The following CARS1 variants were observed in gnomAD, a reference collection of about 807,000 sequenced individuals.
CARS1 encodes cysteinyl-tRNA synthetase 1.
A neutral mutation model predicts 106.2 loss-of-function variants in CARS1; 48 were observed. The observed-to-expected ratio is 0.45, with a 90% CI of 0.36 to 0.57. The LOEUF (loss-of-function observed/expected upper bound fraction) is 0.57. CARS1 is among the 20% of genes least tolerant of loss of function. CARS1 has a pLI of 0.00. For missense variants in CARS1, 968 were observed against 1,057.2 expected, an observed-to-expected ratio of 0.92 and a Z score of 1.17; for synonymous variants, 409 against 403.4, an observed-to-expected ratio of 1.01 and a Z score of -0.17.
chr11:3,039,716 T>C lies in CARS1; in HGVS notation c.552+119A>G, dbSNP rs996878903. The stretch of plus-strand genomic sequence containing the variant: ...TAACTCACTGAGGGGATTAAAATGA[T>C]GTTTATCAGGTGAAAACACAAGCTA... On this transcript the variant is annotated intron_variant, in intron 5 of 22. Transcript: ENST00000380525. This position sits in a 1 kb window ranked among gnomAD's most constrained non-coding sequence, Gnocchi z 5.6. The C allele has an allele frequency of 3.4e-6, 2 of 580,200 alleles. No individual in the cohort carries two copies. Among genetic ancestry groups the C allele is most frequent in the Admixed American group, 7.2e-5 (2 of 27,772 alleles). 35.9% of individuals were successfully genotyped at this position (580,200 alleles called of 1,614,324 possible).
chr11:3,029,271 G>A lies in CARS1; in HGVS notation c.942+32C>T, dbSNP rs774295949. 8 of 1,609,000 alleles carry A rather than the reference G, an allele frequency of 5.0e-6. No individual in the cohort carries two copies. Among genetic ancestry groups the A allele is most frequent in the South Asian group, 1.1e-5 (1 of 90,916 alleles). On this transcript the variant is annotated intron_variant, in intron 8 of 22. Coordinates refer to ENST00000380525, the MANE Select transcript of CARS1 (RefSeq NM_001014437.3). The surrounding 1 kb of genome is among the most constrained non-coding windows in gnomAD (Gnocchi z 5.9). ...TTAGAAATCAGGGCCCTTAGCGCAA[G>A]AGAGCCAGCACAAGACAATCGTGAC...
chr11:3,042,367 A>T (rs1854577965), intron 2 of CARS1, 111 bp from the exon 3 acceptor site: 1 of 698,330 alleles, frequency 1.4e-6, no homozygotes, highest in Non-Finnish European at 2.4e-6. Flanking sequence ...TTTCCATGAA[A>T]TTTAAACAAT....
intron 17 of CARS1, among the ~76,000 whole-genome samples, chr11:3,012,979 T>C (rs1850633639): frequency 1.4e-5 from 2 of 138,546 alleles, no homozygotes. Context: ...AACCTCAGCC[T>C]CCCAGGTTCA....
intron 17 of CARS1, among the ~76,000 whole-genome samples, chr11:3,012,586 C>T (rs758621373): frequency 3.9e-5 from 6 of 152,214 alleles, no homozygotes; most frequent in Non-Finnish European, 8.8e-5. Flanking sequence ...AGGTCAGACA[C>T]GCTGCTGTGA....
chr11:3,012,143 G>A (rs895472326), intron 18 of CARS1, 52 bp downstream of exon 18: 58 of 1,510,338 alleles, frequency 3.8e-5, no homozygotes, highest in Non-Finnish European at 5.3e-5. Context: ...CCGGTCCGGG[G>A]AGCCCAGTGA....
Position 3,040,968 on chromosome 11 carries a change from T to G in CARS1, c.383A>C (p.Gln128Pro). Residue 128 changes from glutamine (Q) to proline (P), a missense_variant, in exon 4 of 23, where the codon CAA (glutamine) becomes CCA (proline). Gln to Pro is a moderately conservative substitution (Grantham distance 76). Coordinates refer to ENST00000380525, the MANE Select transcript of CARS1 (RefSeq NM_001014437.3). This position sits in a 1 kb window ranked among gnomAD's most constrained non-coding sequence, Gnocchi z 5.8. ...LTRNKEVFIP[Q>P]DGKKVTWYCC... is the part of the protein sequence containing the mutation. ...ATACCACGTCACCTTTTTCCCATCT[T>G]GAGGTATGAACACTTCCTTTGTTAG... 3 of 1,614,190 alleles carry G rather than the reference T, an allele frequency of 1.9e-6. No homozygotes were observed. The highest frequency in any genetic ancestry group is 2.5e-6 in the Non-Finnish European group (3 of 1,180,026).
At position 3,026,897 on chromosome 11, in the gene CARS1, A is replaced by C. The variant is rs1173299706; in HGVS notation, c.1032-100T>G. On this transcript the variant is annotated intron_variant, in intron 9 of 22. Transcript: ENST00000380525. The stretch of plus-strand genomic sequence containing the variant: ...AATAAAGCAGGGCTATAAAAGTGCG[A>C]AATCTGTGGCCTATCTACTCTCTGT... 3.6e-6 allele frequency: 5 copies of C among 1,371,224 alleles called. No homozygotes were observed. In the East Asian group the frequency reaches 1.2e-4, roughly 32 times the overall value. 84.9% of individuals were successfully genotyped at this position (1,371,224 alleles called of 1,614,324 possible).
At position 3,028,974 on chromosome 11, in the gene CARS1, T is replaced by C; in HGVS notation, c.1031+22A>G. On this transcript the variant is annotated intron_variant, in intron 9 of 22. Coordinates refer to ENST00000380525, the MANE Select transcript of CARS1 (RefSeq NM_001014437.3). The surrounding 1 kb of genome is among the most constrained non-coding windows in gnomAD (Gnocchi z 4.4). ...CGATGTTCTGCAGCCCTTCCCTCCCTAGGGAAGGCCCTTGTGCTTACCCGT... is the reference window on the plus strand; with the variant it reads ...CGATGTTCTGCAGCCCTTCCCTCCCCAGGGAAGGCCCTTGTGCTTACCCGT... 6.4e-7 allele frequency: 1 copy of C among 1,559,948 alleles called. No homozygotes were observed. Among genetic ancestry groups the C allele is most frequent in the South Asian group, 1.1e-5 (1 of 90,024 alleles).
chr11:3,026,153 G>A (rs575961998), intron 10 of CARS1, among the ~76,000 whole-genome samples: 20 of 152,326 alleles, frequency 1.3e-4, no homozygotes, highest in Admixed American at 6.5e-4. Flanking sequence ...TGGACCTCAA[G>A]GAGGTGCAGC....
In CARS1 at chr11:3,003,207, G is replaced by T. The variant is rs1188291765; in HGVS notation, c.2218-607C>A. The stretch of plus-strand genomic sequence containing the variant: ...TGAGGGAAGCCCTCGGTTGCTTTGG[G>T]AGGTTCTGGCCTGAGCCATTGCACG... On this transcript the variant is annotated intron_variant, in intron 20 of 22. Coordinates refer to ENST00000380525, the MANE Select transcript of CARS1 (RefSeq NM_001014437.3). This position sits in a 1 kb window ranked among gnomAD's most constrained non-coding sequence, Gnocchi z 4.8. Among the ~76,000 whole-genome samples the T allele has an allele frequency of 1.2e-5, 1 of 81,550 alleles. No individual in the cohort carries two copies. The highest frequency in any genetic ancestry group is 2.9e-5 in the Non-Finnish European group (1 of 34,374). 53.5% of individuals were successfully genotyped at this position (81,550 alleles called of 152,430 possible). A position where few individuals can be genotyped will look rare whatever the true frequency, so the allele number is the denominator to read the frequency against.
intron 16 of CARS1, among the ~76,000 whole-genome samples, chr11:3,016,610 A>T (rs1292888618): frequency 6.6e-6 from 1 of 151,970 alleles, no homozygotes; most frequent in East Asian, 1.9e-4. Context: ...AACTATATGG[A>T]TGTTACTTAT....
chr11:3,056,865 C>A (rs1024827475), intron 1 of CARS1, among the ~76,000 whole-genome samples: 1 of 152,196 alleles, frequency 6.6e-6, no homozygotes, highest in Non-Finnish European at 1.5e-5. Flanking sequence ...TGCAAGGGGA[C>A]CTCGGCAGGA....
At position 3,020,382 on chromosome 11, in the gene CARS1, C is replaced by G; in HGVS notation, c.1154-50G>C. On this transcript the variant is annotated intron_variant, in intron 10 of 22. Coordinates refer to ENST00000380525, the MANE Select transcript of CARS1 (RefSeq NM_001014437.3). The surrounding 1 kb of genome is among the most constrained non-coding windows in gnomAD (Gnocchi z 4.6). The stretch of plus-strand genomic sequence containing the variant: ...AAGGTCACTCAGCAGCACCCACAGA[C>G]CCACATGTCTCACTTCAAGGCCATC... 8.9e-7 allele frequency: 1 copy of G among 1,122,502 alleles called. No homozygotes were observed. Among genetic ancestry groups the G allele is most frequent in the Non-Finnish European group, 1.4e-6 (1 of 734,106 alleles). 69.5% of individuals were successfully genotyped at this position (1,122,502 alleles called of 1,614,324 possible). A position where few individuals can be genotyped will look rare whatever the true frequency, so the allele number is the denominator to read the frequency against.
intron 21 of CARS1, 181 bp downstream of exon 21, chr11:3,002,360 C>T: frequency 8.3e-7 from 1 of 1,200,518 alleles, no homozygotes; most frequent in Non-Finnish European, 1.2e-6. Flanking sequence ...CAGGCCTTCC[C>T]TGCACCCCAT....
Position 3,029,078 on chromosome 11 carries a change from G to A in CARS1, c.949C>T (p.Pro317Ser). The A allele has an allele frequency of 3.7e-6, 6 of 1,611,108 alleles. No homozygotes were observed. The highest frequency in any genetic ancestry group is 5.1e-6 in the Non-Finnish European group (6 of 1,177,306). Residue 317 changes from proline (P) to serine (S), a missense_variant, in exon 9 of 23, where the codon CCT becomes TCT. Transcript: ENST00000380525. This position sits in a 1 kb window ranked among gnomAD's most constrained non-coding sequence, Gnocchi z 5.9. ...HRDMEALNVL[P>S]PDVLTRVSEY... is the part of the protein sequence containing the mutation. ...CTAACCCGGGTTAAGACATCTGGAG[G>A]GAGAACCTGTGCAAGACATGAGAAT... is the stretch of plus-strand genomic sequence containing the variant.
At position 3,018,574 on chromosome 11, in the gene CARS1, G is replaced by A. The variant is rs751553473; in HGVS notation, c.1525+46C>T. On this transcript the variant is annotated intron_variant, in intron 13 of 22. Coordinates refer to ENST00000380525, the MANE Select transcript of CARS1 (RefSeq NM_001014437.3). ...CCCGAGTGCTACAGCCATTACACAT[G>A]TATGAGAAGGTGGTTGGGGGGTCTG... 18 of 1,612,962 alleles carry A rather than the reference G, an allele frequency of 1.1e-5. No individual in the cohort carries two copies. In the South Asian group the frequency reaches 1.8e-4, roughly 16 times the overall value.
rs910861793 is a variant in CARS1, at chr11:3,022,507, C to A, written c.1154-2175G>T. Among the ~76,000 whole-genome samples, 1 of 152,188 alleles carries A rather than the reference C, an allele frequency of 6.6e-6. No homozygotes were observed. Among genetic ancestry groups the A allele is most frequent in the Non-Finnish European group, 1.5e-5 (1 of 68,032 alleles). ...AATTACTACGCTTCTTCTACGGCAA[C>A]CCCTGGTATCCCGGTATACTGACTC... On this transcript the variant is annotated intron_variant, in intron 10 of 22. Coordinates refer to ENST00000380525, the MANE Select transcript of CARS1 (RefSeq NM_001014437.3). This position sits in a 1 kb window ranked among gnomAD's most constrained non-coding sequence, Gnocchi z 4.9.
chr11:3,057,260 G>A, intron 1 of CARS1, 83 bp downstream of exon 1: 1 of 1,233,626 alleles, frequency 8.1e-7, no homozygotes, highest in Non-Finnish European at 1.2e-6. Context: ...TCAGACATAA[G>A]GACTCGCTGC....
rs775833861 is a variant in CARS1, at chr11:3,018,683, A to G, written c.1462T>C (p.Cys488Arg). Residue 488 changes from cysteine to arginine, a missense_variant, in exon 13 of 23, where the codon TGC becomes CGC. Physicochemically the swap from Cys to Arg is radical, Grantham distance 180. Coordinates refer to ENST00000380525, the MANE Select transcript of CARS1 (RefSeq NM_001014437.3). The part of the protein sequence containing the change: ...LHTGHLTIAG[C>R]KMSKSLKNFI... ...TTTTTTAGTGACTTTGACATTTTGC[A>G]GCCTGCAATGGTCAGGTGGCCTGTG... The G allele has an allele frequency of 6.2e-7, 1 of 1,614,218 alleles. No homozygotes were observed. Among genetic ancestry groups the G allele is most frequent in the Non-Finnish European group, 8.5e-7 (1 of 1,180,010 alleles).
Sources: gnomAD v4.1 joint callset for allele counts (sites outside exome capture counted in the v4.1 genomes callset) on GRCh38, gnomAD v4.1.1 for gene constraint, Gnocchi (gnomAD v3.1) non-coding constraint, MANE v1.5 for transcripts, NCBI Gene and HGNC (gene_info 2026-07-23, HGNC 2026-07-21) for gene names.